The following ZEB1 variants were observed in gnomAD, a reference collection of about 807,000 sequenced individuals.
ZEB1 encodes zinc finger E-box-binding homeobox 1.
ZEB1 carries 21 observed loss-of-function variants against 84.9 expected under a neutral mutation model. The ratio of observed to expected loss-of-function variants is 0.25; its 90% CI spans 0.18 to 0.36. ZEB1 has a LOEUF of 0.36. Ranked by LOEUF, ZEB1 falls within the 10% of genes least tolerant of loss-of-function variation. The probability of loss-of-function intolerance (pLI) is 1.00; values close to 1 mark genes in which losing one functional copy is unlikely to be tolerated. For missense variants in ZEB1, 1,104 were observed against 1,330.2 expected (o/e 0.83, Z 2.65); for synonymous variants, 420 against 471.1 (o/e 0.89, Z 1.41).
At chr10:31,434,773 G>A (rs577252163) in intron 1 of ZEB1, among the ~76,000 whole-genome samples, 27 of 152,208 alleles carry the variant, frequency 1.8e-4, no homozygotes, top group African/African-American at 5.8e-4. Flanking sequence ...ATACAAAAGC[G>A]CAAAGAACAA....
intron 2 of ZEB1, among the ~76,000 whole-genome samples, chr10:31,482,552 A>G (rs543293816): frequency 6.6e-6 from 1 of 152,004 alleles, no homozygotes; most frequent in South Asian, 2.1e-4. Flanking sequence ...AGCATTGTAT[A>G]ATGTTAATTT....
At chr10:31,330,096 G>A (rs1333373101) in intron 1 of ZEB1, among the ~76,000 whole-genome samples, 1 of 152,070 alleles carries the variant, frequency 6.6e-6, no homozygotes, top group African/African-American at 2.4e-5. Context: ...TCCTTTCTGA[G>A]AAATCTTTGC....
Position 31,502,880 on chromosome 10 carries a change from C to T in ZEB1, c.484+371C>T, listed in dbSNP as rs969148881. Among the ~76,000 whole-genome samples the T allele has an allele frequency of 2.6e-5, 4 of 152,140 alleles. No homozygotes were observed. In the East Asian group the frequency reaches 7.7e-4, roughly 29 times the overall value. On this transcript the variant is annotated intron_variant, in intron 4 of 8. Transcript: ENST00000424869. ...AAAAATATGGTTGTCTGCTTTATAC[C>T]AGAACATACTAATTTGGAAACAGTG...
At chr10:31,465,217 A>T (rs1564975265) in intron 2 of ZEB1, among the ~76,000 whole-genome samples, 1 of 152,148 alleles carries the variant, frequency 6.6e-6, no homozygotes, top group Non-Finnish European at 1.5e-5. Flanking sequence ...AAGGTATTAA[A>T]ATATAGCTAC....
intron 1 of ZEB1, among the ~76,000 whole-genome samples, chr10:31,456,476 A>G (rs2061255976): frequency 6.6e-6 from 1 of 152,174 alleles, no homozygotes; most frequent in South Asian, 2.1e-4. Context: ...CTAATGGTTA[A>G]AATTGTTTAG....
intron 1 of ZEB1, chr10:31,362,883 T>C: frequency 7.4e-7 from 1 of 1,348,854 alleles, no homozygotes; most frequent in Non-Finnish European, 1.0e-6. Context: ...ATTTTGATAT[T>C]CTACTTAACA....
At chr10:31,322,981 T>C (rs558560696) in intron 1 of ZEB1, among the ~76,000 whole-genome samples, 2 of 152,288 alleles carry the variant, frequency 1.3e-5, no homozygotes, top group African/African-American at 2.4e-5. Flanking sequence ...CTGAGTCTTA[T>C]TGTTACTTAA....
intron 3 of ZEB1, among the ~76,000 whole-genome samples, chr10:31,499,240 T>A (rs1051008832): frequency 3.9e-5 from 6 of 152,222 alleles, no homozygotes; most frequent in Non-Finnish European, 8.8e-5. Flanking sequence ...GGACTAATGA[T>A]ACCTGTTTTG....
intron 1 of ZEB1, among the ~76,000 whole-genome samples, chr10:31,343,746 G>C (rs911447180): frequency 6.6e-6 from 1 of 152,032 alleles, no homozygotes; most frequent in Non-Finnish European, 1.5e-5. Context: ...TTCTCTGCCC[G>C]CTTTAAATCT....
At chr10:31,358,057 CT>C (rs1464446734) in intron 1 of ZEB1, 1 of 152,264 alleles carries the variant, frequency 6.6e-6, no homozygotes, top group Admixed American at 6.5e-5. Context: ...CCTAAATTAG[CT>C]TAATTCTAAA....
intron 2 of ZEB1, among the ~76,000 whole-genome samples, chr10:31,480,065 C>T (rs2064838940): frequency 6.6e-6 from 1 of 151,888 alleles, no homozygotes; most frequent in Non-Finnish European, 1.5e-5. Context: ...GTTTTTAAAA[C>T]ATATATAAAA....
At chr10:31,366,528 C>T (rs2044530357) in intron 1 of ZEB1, among the ~76,000 whole-genome samples, 1 of 152,134 alleles carries the variant, frequency 6.6e-6, no homozygotes, top group South Asian at 2.1e-4. Context: ...ATAACATACC[C>T]CATGATGTAC....
At chr10:31,366,776 C>T (rs999956603) in intron 1 of ZEB1, among the ~76,000 whole-genome samples, 2 of 152,252 alleles carry the variant, frequency 1.3e-5, no homozygotes, top group African/African-American at 2.4e-5. Context: ...GCCTTCCTAT[C>T]GACCCTAACT....
intron 2 of ZEB1, among the ~76,000 whole-genome samples, chr10:31,474,651 G>A (rs1025869957): frequency 3.6e-4 from 55 of 152,256 alleles, no homozygotes; most frequent in African/African-American, 1.2e-3. Flanking sequence ...AAGTCAGTGC[G>A]GCGATTCCTC....
chr10:31,397,797 T>TTTTTTTA (rs2051080465), intron 1 of ZEB1, among the ~76,000 whole-genome samples: 1 of 152,202 alleles, frequency 6.6e-6, no homozygotes, highest in Non-Finnish European at 1.5e-5. Context: ...AAGTCTATGG[T>TTTTTTTA]ATTTACTAAC....
At chr10:31,319,545 G>A (rs1258979624) in intron 1 of ZEB1, 1 of 518,486 alleles carries the variant, frequency 1.9e-6, no homozygotes. Flanking sequence ...GGCTCCCGCC[G>A]CCCCTGCCGC....
intron 1 of ZEB1, among the ~76,000 whole-genome samples, chr10:31,397,950 C>A (rs772709575): frequency 6.6e-6 from 1 of 152,092 alleles, no homozygotes; most frequent in Non-Finnish European, 1.5e-5. Flanking sequence ...ATAATTTTAG[C>A]AAAGTTGACT....
chr10:31,501,134 C>A (rs1299238917), intron 3 of ZEB1, among the ~76,000 whole-genome samples: 1 of 152,152 alleles, frequency 6.6e-6, no homozygotes, highest in South Asian at 2.1e-4. Flanking sequence ...AAACTTCAGC[C>A]TGCTGGGGAG....
chr10:31,408,108 A>G (rs1349537788), intron 1 of ZEB1, among the ~76,000 whole-genome samples: 1 of 152,042 alleles, frequency 6.6e-6, no homozygotes, highest in Non-Finnish European at 1.5e-5. Context: ...CAACAGACAA[A>G]CAGAGAGCCA....
Sources: allele counts gnomAD v4.1 joint callset (sites outside exome capture counted in the v4.1 genomes callset), GRCh38; gene constraint gnomAD v4.1.1; transcripts MANE v1.5; gene names NCBI Gene and HGNC (gene_info 2026-07-23, HGNC 2026-07-21).